The following RALGPS1 variants were observed in gnomAD, a reference collection of about 807,000 sequenced individuals.
RALGPS1 encodes the protein ras-specific guanine nucleotide-releasing factor RalGPS1.
Under a neutral mutation model 78.8 loss-of-function variants are expected in RALGPS1, and 19 were observed. That is an observed-to-expected ratio of 0.24 (90% confidence interval 0.17 to 0.35). The LOEUF (loss-of-function observed/expected upper bound fraction) is 0.35. Ranked by LOEUF, RALGPS1 falls within the 10% of genes least tolerant of loss-of-function variation. The pLI is 1.00. For synonymous variants in RALGPS1, 228 were observed against 256.3 expected (o/e 0.89, Z 1.06); for missense variants, 454 against 688.3 (o/e 0.66, Z 3.81).
At chr9:127,057,443 C>T (rs1315830998) in intron 7 of RALGPS1, among the ~76,000 whole-genome samples, 1 of 152,224 alleles carries the variant, frequency 6.6e-6, no homozygotes, top group Non-Finnish European at 1.5e-5. Context: ...GCAGGGCGTC[C>T]TGTTGGCCTC....
At chr9:127,143,356 CT>C (rs1490299037) in intron 8 of RALGPS1, among the ~76,000 whole-genome samples, 1 of 152,216 alleles carries the variant, frequency 6.6e-6, no homozygotes, top group Non-Finnish European at 1.5e-5. Flanking sequence ...ACCCTGCTAG[CT>C]TTCACACTGG....
Position 127,158,460 on chromosome 9 carries a change from T to C in RALGPS1, c.611-7609T>C, listed in dbSNP as rs189349295. Reference sequence around the variant, plus strand: ...ACCATAAAATTTACACATACCACTATTTTAACATCTCTTCCATATTTGAAA... The same window carrying C: ...ACCATAAAATTTACACATACCACTACTTTAACATCTCTTCCATATTTGAAA... On this transcript the variant is annotated intron_variant, in intron 8 of 18. Transcript: ENST00000259351. 8.6e-3 allele frequency among the ~76,000 whole-genome samples: 1,310 copies of C among 152,272 alleles called. 23 individuals carry two copies. Among genetic ancestry groups the C allele is most frequent in the Non-Finnish European group, 0.012 (800 of 68,004 alleles).
chr9:126,986,830 C>A (rs1288879213), intron 4 of RALGPS1, among the ~76,000 whole-genome samples: 1 of 152,178 alleles, frequency 6.6e-6, no homozygotes. Context: ...TGAGTCACAG[C>A]CTCACCCCTC....
At chr9:127,192,148 C>G (rs1273160514) in intron 11 of RALGPS1, among the ~76,000 whole-genome samples, 1 of 152,170 alleles carries the variant, frequency 6.6e-6, no homozygotes, top group Non-Finnish European at 1.5e-5. Flanking sequence ...TTTAGAAGAT[C>G]AGACTGGAGG....
At chr9:127,169,167 A>G (rs1292020833) in intron 10 of RALGPS1, among the ~76,000 whole-genome samples, 5 of 152,250 alleles carry the variant, frequency 3.3e-5, no homozygotes, top group Admixed American at 3.3e-4. Context: ...CCCCACCCAC[A>G]GTGCTGGGTG....
chr9:127,108,509 C>G, intron 8 of RALGPS1: 2 of 1,613,012 alleles, frequency 1.2e-6, no homozygotes, highest in Non-Finnish European at 1.7e-6. Flanking sequence ...ACCTCAGGCT[C>G]CTTGGAGTTG....
At position 127,199,139 on chromosome 9, in the gene RALGPS1, G is replaced by A. The variant is rs537205294; in HGVS notation, c.1247+73G>A. The stretch of plus-strand genomic sequence containing the variant: ...GCTGAGGGAGCCGAAGACAGGCCCC[G>A]GGCAGGGACGGGCCCTGCCCCACCC... On this transcript the variant is annotated intron_variant, in intron 14 of 18. Transcript: ENST00000259351. The A allele has an allele frequency of 1.0e-5, 14 of 1,406,382 alleles. No homozygotes were observed. In the African/African-American group the frequency reaches 1.3e-4, roughly 13 times the overall value. The allele number at this position is 1,406,382 out of a possible 1,614,324, so 87.1% of individuals were successfully genotyped here.
intron 8 of RALGPS1, among the ~76,000 whole-genome samples, chr9:127,090,574 G>T (rs1424811160): frequency 6.6e-6 from 1 of 152,234 alleles, no homozygotes; most frequent in African/African-American, 2.4e-5. Flanking sequence ...TGGGGACCTG[G>T]CATGAGGATC....
At chr9:126,992,855 A>G (rs533743363) in intron 4 of RALGPS1, among the ~76,000 whole-genome samples, 3 of 152,222 alleles carry the variant, frequency 2.0e-5, no homozygotes, top group East Asian at 1.9e-4. Context: ...ACTGGATGCT[A>G]TTGTTTCTTT....
At chr9:127,134,868 A>G (rs950989200) in intron 8 of RALGPS1, among the ~76,000 whole-genome samples, 2 of 152,202 alleles carry the variant, frequency 1.3e-5, no homozygotes, top group East Asian at 3.8e-4. Flanking sequence ...AAACCAAAGT[A>G]ATGGTTCCCT....
At chr9:127,085,589 C>G (rs2051629446) in intron 8 of RALGPS1, among the ~76,000 whole-genome samples, 1 of 152,152 alleles carries the variant, frequency 6.6e-6, no homozygotes, top group Non-Finnish European at 1.5e-5. Context: ...TTCTATATAG[C>G]CTGGGTGTGG....
At chr9:126,929,180 C>T (rs1309572670) in intron 1 of RALGPS1, among the ~76,000 whole-genome samples, 1 of 152,136 alleles carries the variant, frequency 6.6e-6, no homozygotes, top group Non-Finnish European at 1.5e-5. Context: ...ACAACATCAA[C>T]AGTAACAAGG....
chr9:126,963,379 G>A (rs2039104566), intron 2 of RALGPS1, among the ~76,000 whole-genome samples: 1 of 151,988 alleles, frequency 6.6e-6, no homozygotes, highest in South Asian at 2.1e-4. Flanking sequence ...ATATATATTT[G>A]AGTGTGTATA....
intron 3 of RALGPS1, 75 bp from the exon 4 acceptor site, chr9:126,977,620 T>C: frequency 9.5e-7 from 1 of 1,047,894 alleles, no homozygotes; most frequent in East Asian, 2.6e-5. Flanking sequence ...TGAGTGTATA[T>C]GACTCTGTAT....
chr9:126,920,544 G>C (rs1376576116), intron 1 of RALGPS1, among the ~76,000 whole-genome samples: 2 of 152,184 alleles, frequency 1.3e-5, no homozygotes, highest in African/African-American at 4.8e-5. Flanking sequence ...CTGGAGTTGT[G>C]GAGGTGCAGG....
At chr9:127,018,952 C>G (rs527820023) in intron 4 of RALGPS1, among the ~76,000 whole-genome samples, 2 of 152,266 alleles carry the variant, frequency 1.3e-5, no homozygotes, top group African/African-American at 4.8e-5. Flanking sequence ...AAATGTCGTT[C>G]TGCAGTACAT....
chr9:127,003,444 C>T (rs377131762), intron 4 of RALGPS1, among the ~76,000 whole-genome samples: 8 of 151,210 alleles, frequency 5.3e-5, no homozygotes, highest in African/African-American at 1.9e-4. Flanking sequence ...CCAAAAAACA[C>T]ATGAAAAAAT....
chr9:127,166,217 T>C lies in RALGPS1; in HGVS notation c.748+11T>C. The C allele has an allele frequency of 6.2e-7, 1 of 1,611,406 alleles. No individual in the cohort carries two copies. On this transcript the variant is annotated intron_variant, in intron 9 of 18. Transcript: ENST00000259351. Reference sequence around the variant, plus strand: ...TTTCCTGCAGCTATGGTTAGTACCCTTGTTGTTAGAATTGTGAAATCTTAC... The same window carrying C: ...TTTCCTGCAGCTATGGTTAGTACCCCTGTTGTTAGAATTGTGAAATCTTAC...
intron 7 of RALGPS1, among the ~76,000 whole-genome samples, chr9:127,056,347 T>C (rs1388648465): frequency 1.3e-5 from 2 of 152,192 alleles, no homozygotes; most frequent in Non-Finnish European, 2.9e-5. Flanking sequence ...GAATGGCAAC[T>C]GCCACAGTAT....
Sources: gnomAD v4.1 joint callset for allele counts (sites outside exome capture counted in the v4.1 genomes callset) on GRCh38, gnomAD v4.1.1 for gene constraint, MANE v1.5 for transcripts, NCBI Gene and HGNC (gene_info 2026-07-23, HGNC 2026-07-21) for gene names.